MCC: variants seen among roughly 807,000 people sequenced by gnomAD.
MCC encodes the protein MCC regulator of Wnt signaling pathway.
A neutral mutation model predicts 116.2 loss-of-function variants in MCC; 90 were observed. The ratio of observed to expected loss-of-function variants is 0.77; its 90% confidence interval spans 0.65 to 0.92. MCC has a LOEUF of 0.92. Ranked by LOEUF, MCC falls within the 40% of genes least tolerant of loss-of-function variation. The pLI is 0.00. For synonymous variants in MCC, 578 were observed against 510.5 expected (o/e 1.13, Z -1.78); for missense variants, 1,516 against 1,312.2 (o/e 1.16, Z -2.40).
intron 3 of MCC, among the ~76,000 whole-genome samples, chr5:113,309,068 C>G (rs2150367437): frequency 6.6e-6 from 1 of 152,320 alleles, no homozygotes; most frequent in East Asian, 1.9e-4. Flanking sequence ...ATCAAAGATA[C>G]TCAATTACAT....
chr5:113,297,459 G>C (rs371508310), intron 3 of MCC, among the ~76,000 whole-genome samples: 6 of 152,154 alleles, frequency 3.9e-5, no homozygotes, highest in East Asian at 1.9e-4. Flanking sequence ...CCAGCTACTC[G>C]GGAGGCTGAG....
chr5:113,425,724 C>A (rs1020367559), intron 1 of MCC, among the ~76,000 whole-genome samples: 9 of 151,864 alleles, frequency 5.9e-5, no homozygotes, highest in African/African-American at 2.2e-4. Context: ...CAGCTAAAAG[C>A]GTCATCAGTG....
intron 3 of MCC, among the ~76,000 whole-genome samples, chr5:113,327,979 C>A (rs921341092): frequency 2.6e-5 from 4 of 152,000 alleles, no homozygotes; most frequent in African/African-American, 9.7e-5. Context: ...GATGTAACAA[C>A]TAACAAATGA....
At chr5:113,234,778 C>T (rs1422800371) in intron 3 of MCC, 1 of 152,158 alleles carries the variant, frequency 6.6e-6, no homozygotes, top group African/African-American at 2.4e-5. Context: ...TTCACAGGCC[C>T]CAGATATGCA....
chr5:113,339,438 T>TGC (rs1554077387), intron 3 of MCC, among the ~76,000 whole-genome samples: 81 of 149,670 alleles, frequency 5.4e-4, no homozygotes, highest in African/African-American at 6.7e-4. Context: ...TGTGTGTGTG[T>TGC]GCGTGCATGT....
chr5:113,327,719 A>G (rs6873755), intron 3 of MCC, among the ~76,000 whole-genome samples: 83,996 of 149,614 alleles, frequency 0.56, 24,752 homozygotes, highest in African/African-American at 0.71. Context: ...TAACAGAAAC[A>G]AAAACTGAAG....
At chr5:113,133,257 G>A (rs953681622) in intron 5 of MCC, among the ~76,000 whole-genome samples, 4 of 151,750 alleles carry the variant, frequency 2.6e-5, no homozygotes, top group African/African-American at 9.7e-5. Context: ...CTATATTTTT[G>A]TACCCATTAT....
chr5:113,242,798 C>T (rs1020443310), intron 3 of MCC, among the ~76,000 whole-genome samples: 2 of 152,068 alleles, frequency 1.3e-5, no homozygotes, highest in African/African-American at 2.4e-5. Flanking sequence ...TTCCATCTCA[C>T]CAAAAGGAAC....
chr5:113,081,514 T>C lies in MCC; in HGVS notation c.1784+1346A>G, dbSNP rs143265399. Reference sequence around the variant, plus strand: ...ACGGAGTAGAAAGCAACTGCCCTATTCAAGGTCAGCCACAGATCCAACTTG... The same window carrying C: ...ACGGAGTAGAAAGCAACTGCCCTATCCAAGGTCAGCCACAGATCCAACTTG... On this transcript the variant is annotated intron_variant, in intron 11 of 18. Coordinates refer to ENST00000408903, the MANE Select transcript of MCC (RefSeq NM_001085377.2). Among the ~76,000 whole-genome samples the C allele has an allele frequency of 3.3e-3, 504 of 152,256 alleles. 3 individuals are homozygous for C. Among genetic ancestry groups the C allele is most frequent in the African/African-American group, 0.012 (488 of 41,548 alleles).
At chr5:113,340,981 G>C (rs531145934) in intron 2 of MCC, among the ~76,000 whole-genome samples, 1 of 152,264 alleles carries the variant, frequency 6.6e-6, no homozygotes, top group East Asian at 1.9e-4. Context: ...AAACAGAAAT[G>C]CTTAGCAAAA....
Position 113,077,543 on chromosome 5 carries a change from C to T in MCC, c.1784+5317G>A, listed in dbSNP as rs572007801. Reference sequence around the variant, plus strand: ...AACTACATGGAAACTGAACAACCTGCTCCTGAATGACTACTGGGTACATAA... The same window carrying T: ...AACTACATGGAAACTGAACAACCTGTTCCTGAATGACTACTGGGTACATAA... On this transcript the variant is annotated intron_variant, in intron 11 of 18. Coordinates refer to ENST00000408903, the MANE Select transcript of MCC (RefSeq NM_001085377.2). Among the ~76,000 whole-genome samples the T allele has an allele frequency of 2.8e-3, 419 of 152,308 alleles. 3 individuals are homozygous for T. The highest frequency in any genetic ancestry group is 4.6e-3 in the Non-Finnish European group (313 of 68,032).
At chr5:113,414,078 G>A (rs893058350) in intron 1 of MCC, among the ~76,000 whole-genome samples, 5 of 152,084 alleles carry the variant, frequency 3.3e-5, no homozygotes, top group African/African-American at 7.2e-5. Context: ...GTAGTTGTGC[G>A]GTTTTGAGTG....
At chr5:113,365,141 T>C (rs1768655452) in intron 2 of MCC, among the ~76,000 whole-genome samples, 1 of 152,240 alleles carries the variant, frequency 6.6e-6, no homozygotes, top group African/African-American at 2.4e-5. Context: ...TTTTCCAAAC[T>C]TTTACACCCT....
At chr5:113,039,027 C>T (rs1751505861) in intron 17 of MCC, among the ~76,000 whole-genome samples, 1 of 152,164 alleles carries the variant, frequency 6.6e-6, no homozygotes, top group South Asian at 2.1e-4. Context: ...AGGGCGCTGA[C>T]TCCTGCAGGT....
chr5:113,085,029 C>G (rs1475077528), intron 9 of MCC, 135 bp downstream of exon 9: 7 of 1,171,648 alleles, frequency 6.0e-6, no homozygotes, highest in Non-Finnish European at 8.7e-6. Flanking sequence ...GCATAGAAGG[C>G]CTGCGTAAGG....
At chr5:113,383,755 T>C (rs1052377608) in intron 2 of MCC, among the ~76,000 whole-genome samples, 17 of 152,114 alleles carry the variant, frequency 1.1e-4, no homozygotes, top group African/African-American at 2.9e-4. Flanking sequence ...TTACCAGACA[T>C]CTGATTTGCT....
At chr5:113,250,640 C>T (rs533775885) in intron 3 of MCC, among the ~76,000 whole-genome samples, 8 of 152,200 alleles carry the variant, frequency 5.3e-5, no homozygotes, top group Non-Finnish European at 8.8e-5. Flanking sequence ...TTATGTCACA[C>T]GCTTCCTGAG....
chr5:113,344,219 C>T (rs1768080384), intron 2 of MCC, among the ~76,000 whole-genome samples: 1 of 152,296 alleles, frequency 6.6e-6, no homozygotes, highest in South Asian at 2.1e-4. Flanking sequence ...ATTGCCCACC[C>T]ATGGAGGGAG....
At chr5:113,461,415 T>TA (rs1469029474) in intron 1 of MCC, among the ~76,000 whole-genome samples, 1 of 152,176 alleles carries the variant, frequency 6.6e-6, no homozygotes, top group Non-Finnish European at 1.5e-5. Context: ...TGCCCAAAGT[T>TA]ACATGGCCAG....
Sources: gnomAD v4.1 joint callset for allele counts (sites outside exome capture counted in the v4.1 genomes callset) on GRCh38, gnomAD v4.1.1 for gene constraint, MANE v1.5 for transcripts, NCBI Gene and HGNC (gene_info 2026-07-23, HGNC 2026-07-21) for gene names.